The following STXBP4 variants were observed in gnomAD, a reference collection of about 807,000 sequenced individuals.
The protein encoded by STXBP4 is syntaxin binding protein 4.
A neutral mutation model predicts 76.1 loss-of-function variants in STXBP4; 55 were observed. That is an observed-to-expected ratio of 0.72 (90% CI 0.58 to 0.91). The LOEUF (loss-of-function observed/expected upper bound fraction) is 0.91. Ranked by LOEUF, STXBP4 falls within the 40% of genes least tolerant of loss-of-function variation. The pLI, the probability that STXBP4 is intolerant of heterozygous loss-of-function variation, is 0.00. For synonymous variants in STXBP4, 201 were observed against 220.2 expected (o/e 0.91, Z 0.77); for missense variants, 618 against 636.9 (o/e 0.97, Z 0.32).
chr17:55,073,144 T>A, intron 13 of STXBP4, 68 bp downstream of exon 13: 1 of 1,479,490 alleles, frequency 6.8e-7, no homozygotes, highest in East Asian at 2.3e-5. Context: ...CCTGTTTTCA[T>A]TTTCTTTTCA....
intron 1 of STXBP4, among the ~76,000 whole-genome samples, chr17:54,981,633 T>G (rs1357454061): frequency 2.0e-5 from 3 of 152,148 alleles, no homozygotes; most frequent in Non-Finnish European, 2.9e-5. Flanking sequence ...GAGAGAATTC[T>G]TTATAACTTT....
At chr17:55,060,453 T>A (rs995332217) in intron 12 of STXBP4, among the ~76,000 whole-genome samples, 1 of 152,126 alleles carries the variant, frequency 6.6e-6, no homozygotes, top group Non-Finnish European at 1.5e-5. Context: ...GCAGTTTCTT[T>A]CCTTTGATAT....
At chr17:55,156,909 C>G (rs139176427) in intron 17 of STXBP4, among the ~76,000 whole-genome samples, 3 of 152,272 alleles carry the variant, frequency 2.0e-5, no homozygotes, top group Admixed American at 2.0e-4. Context: ...GTAGAACTTT[C>G]TGATATTCAC....
intron 8 of STXBP4, among the ~76,000 whole-genome samples, chr17:55,014,266 C>A (rs1246763731): frequency 6.6e-6 from 1 of 152,130 alleles, no homozygotes; most frequent in Non-Finnish European, 1.5e-5. Flanking sequence ...GTTGCCCAGA[C>A]TTCAGGATTA....
intron 16 of STXBP4, among the ~76,000 whole-genome samples, chr17:55,126,158 A>G (rs1344365152): frequency 6.6e-6 from 1 of 152,226 alleles, no homozygotes; most frequent in Non-Finnish European, 1.5e-5. Context: ...TTTTTACAGT[A>G]TAATGTTTAT....
intron 8 of STXBP4, among the ~76,000 whole-genome samples, chr17:55,009,465 T>C (rs977855586): frequency 1.3e-5 from 2 of 152,216 alleles, no homozygotes; most frequent in Admixed American, 1.3e-4. Flanking sequence ...TTACTTAGTT[T>C]AAATTTTTCT....
chr17:55,078,973 A>G (rs2079223572), intron 15 of STXBP4, among the ~76,000 whole-genome samples: 3 of 152,196 alleles, frequency 2.0e-5, no homozygotes. Context: ...AAATTATGGT[A>G]GAAACCACCT....
At chr17:55,147,482 G>A (rs2080170672) in intron 17 of STXBP4, among the ~76,000 whole-genome samples, 1 of 152,130 alleles carries the variant, frequency 6.6e-6, no homozygotes, top group South Asian at 2.1e-4. Flanking sequence ...CGGGGGTTGA[G>A]GACCCCTGAA....
intron 8 of STXBP4, among the ~76,000 whole-genome samples, chr17:55,011,425 AT>A (rs2078106314): frequency 6.7e-6 from 1 of 150,136 alleles, no homozygotes; most frequent in South Asian, 2.1e-4. Context: ...AAGAGGGGAA[AT>A]TTTGAGTTCG....
At chr17:55,001,242 G>A (rs759909221) in intron 7 of STXBP4, among the ~76,000 whole-genome samples, 15 of 151,990 alleles carry the variant, frequency 9.9e-5, no homozygotes, top group Non-Finnish European at 1.6e-4. Flanking sequence ...TACACCTTTC[G>A]GAAAACACAT....
At chr17:55,151,675 C>T (rs374562541) in intron 17 of STXBP4, among the ~76,000 whole-genome samples, 4 of 152,056 alleles carry the variant, frequency 2.6e-5, no homozygotes, top group Non-Finnish European at 4.4e-5. Flanking sequence ...GTTTAGGGAC[C>T]GAAGGGAAGC....
intron 1 of STXBP4, among the ~76,000 whole-genome samples, chr17:54,976,208 T>C (rs1042681204): frequency 4.6e-5 from 7 of 152,190 alleles, no homozygotes; most frequent in African/African-American, 1.7e-4. Flanking sequence ...CAGTGAGCTG[T>C]TGTGCTGATG....
At position 55,155,522 on chromosome 17, in the gene STXBP4, A is replaced by G. The variant is rs1360611086; in HGVS notation, c.1548-4275A>G. ...GCATACAATTATCACCCCCCCCCCA[A>G]TAAAATGACACTGGAAGTTAATTAC... On this transcript the variant is annotated intron_variant, in intron 17 of 17. Transcript: ENST00000376352. Among the ~76,000 whole-genome samples the G allele has an allele frequency of 4.2e-5, 6 of 142,204 alleles. No homozygotes were observed. In the Admixed American group the frequency reaches 4.2e-4, roughly 10 times the overall value. The allele number at this position is 142,204 out of a possible 152,430, so 93.3% of individuals were successfully genotyped here.
chr17:55,157,484 C>T (rs1231560872), intron 17 of STXBP4, among the ~76,000 whole-genome samples: 2 of 152,138 alleles, frequency 1.3e-5, no homozygotes, highest in East Asian at 1.9e-4. Context: ...TAAGAAATTC[C>T]ATTAAACCAT....
chr17:54,985,855 T>G (rs992480358), intron 2 of STXBP4, among the ~76,000 whole-genome samples, 164 bp downstream of exon 2: 86 of 152,214 alleles, frequency 5.6e-4, no homozygotes, highest in Non-Finnish European at 8.8e-4. Flanking sequence ...TACCTAAAGC[T>G]TAGCTGTATG....
rs149089590 is a variant in STXBP4 at position 55,041,153 on chromosome 17, TCA to T, written c.856-2080_856-2079del. On this transcript the variant is annotated intron_variant, in intron 10 of 17. Coordinates refer to ENST00000376352, the MANE Select transcript of STXBP4 (RefSeq NM_178509.6). ...TGGTGTTAAGTTCAAAAGTTTATTG[TCA>T]CATCCCTAAAATCCCAATCCTAGTT... is the stretch of plus-strand genomic sequence containing the variant. 6.3e-3 allele frequency among the ~76,000 whole-genome samples: 952 copies of T among 152,184 alleles called. 12 individuals carry two copies. The highest frequency in any genetic ancestry group is 0.022 in the African/African-American group (895 of 41,516).
intron 16 of STXBP4, among the ~76,000 whole-genome samples, chr17:55,087,019 T>G (rs746826588): frequency 6.6e-6 from 1 of 152,176 alleles, no homozygotes; most frequent in Non-Finnish European, 1.5e-5. Context: ...ATTAGTGATG[T>G]TGAGCATTTT....
At chr17:54,971,109 G>A (rs2077393377) in intron 1 of STXBP4, among the ~76,000 whole-genome samples, 1 of 152,078 alleles carries the variant, frequency 6.6e-6, no homozygotes, top group African/African-American at 2.4e-5. Context: ...CAAATTTCTT[G>A]TATACCCTTC....
intron 7 of STXBP4, among the ~76,000 whole-genome samples, chr17:55,004,049 C>A (rs1376788405): frequency 6.6e-6 from 1 of 151,824 alleles, no homozygotes; most frequent in Non-Finnish European, 1.5e-5. Context: ...CACAGTGGTG[C>A]ACGCCTGAAG....
Sources: gnomAD v4.1 joint callset for allele counts (sites outside exome capture counted in the v4.1 genomes callset) on GRCh38, gnomAD v4.1.1 for gene constraint, MANE v1.5 for transcripts, NCBI Gene and HGNC (gene_info 2026-07-23, HGNC 2026-07-21) for gene names.